The following ARHGEF4 variants were observed in gnomAD, a reference collection of about 807,000 sequenced individuals.
ARHGEF4 encodes Rho guanine nucleotide exchange factor 4, also known as APC-stimulated guanine nucleotide exchange factor 1.
ARHGEF4 carries 119 observed loss-of-function variants against 162.0 expected under a neutral mutation model. That is an observed-to-expected ratio of 0.73 (90% CI 0.63 to 0.86). ARHGEF4 has a LOEUF of 0.86. Ranked by LOEUF, ARHGEF4 falls within the 40% of genes least tolerant of loss-of-function variation. The pLI is 0.00. For missense variants in ARHGEF4, 2,488 were observed against 2,456.0 expected (o/e 1.01, Z -0.28); for synonymous variants, 1,014 against 979.9 (o/e 1.03, Z -0.65).
In ARHGEF4 at chr2:130,878,170, A is replaced by G. The variant is rs367633922; in HGVS notation, c.40-35816A>G. 7.4e-4 allele frequency among the ~76,000 whole-genome samples: 112 copies of G among 152,330 alleles called. 1 individual carries two copies. The South Asian group carries it at 0.021, about 29-fold the overall frequency. On this transcript the variant is annotated intron_variant, in intron 1 of 13. Transcript: ENST00000409359. ...ATACTTTAGGGTTTGTAGGCAGTAT[A>G]GGGTCTCTGTCATATATTCTTTATC...
intron 2 of ARHGEF4, among the ~76,000 whole-genome samples, chr2:130,925,847 A>G (rs1459321047): frequency 1.3e-5 from 2 of 152,074 alleles, no homozygotes; most frequent in African/African-American, 2.4e-5. Flanking sequence ...TCTTAAATCT[A>G]TGGGTTTATA....
At position 130,916,893 on chromosome 2, in the gene ARHGEF4, G is replaced by T; in HGVS notation, c.2947G>T (p.Glu983Ter). The change falls in exon 2 of 14, where the codon GAG (glutamate) becomes TAG (stop). Residue 983 changes from glutamate (E) to a stop codon, truncating the protein, a stop_gained. Coordinates refer to ENST00000409359, the MANE Select transcript of ARHGEF4 (RefSeq NM_001367493.1). LOFTEE classifies it high-confidence loss of function. ...AGGACCCGAAGTTCTCTCCCCAGCA[G>T]AGACCGACAGCCACTGTGAGGAACG... Reference protein sequence around the residue: ...PLGPEVLSPAETDSHCEERAE... With the variant: ...PLGPEVLSPA 1 of 1,550,518 alleles carries T rather than the reference G, an allele frequency of 6.4e-7. No homozygotes were observed. Among genetic ancestry groups the T allele is most frequent in the East Asian group, 2.4e-5 (1 of 40,874 alleles).
chr2:130,925,587 C>T (rs1682190702), intron 2 of ARHGEF4, among the ~76,000 whole-genome samples: 1 of 152,284 alleles, frequency 6.6e-6, no homozygotes, highest in Non-Finnish European at 1.5e-5. Context: ...AGAATATTTT[C>T]ACTGGATAAA....
intron 1 of ARHGEF4, among the ~76,000 whole-genome samples, chr2:130,907,906 G>A (rs930602430): frequency 4.7e-5 from 7 of 149,624 alleles, no homozygotes; most frequent in Middle Eastern, 3.4e-3. Flanking sequence ...GCAGTGAGCC[G>A]AGATCACACC....
At chr2:131,035,210 C>G (rs1343866416) in intron 5 of ARHGEF4, 1 of 1,224,438 alleles carries the variant, frequency 8.2e-7, no homozygotes, top group East Asian at 3.2e-5. Flanking sequence ...GCCGTGCTGG[C>G]GCTCCTGGTT....
intron 4 of ARHGEF4, among the ~76,000 whole-genome samples, chr2:130,948,795 A>C (rs1476538380): frequency 6.6e-6 from 1 of 152,220 alleles, no homozygotes; most frequent in African/African-American, 2.4e-5. Context: ...AAATTCTGCA[A>C]GAAAGTAATC....
At chr2:130,868,911 G>A (rs144530358) in intron 1 of ARHGEF4, among the ~76,000 whole-genome samples, 115 of 152,308 alleles carry the variant, frequency 7.6e-4, no homozygotes, top group African/African-American at 2.7e-3. Context: ...TGGCACCCCC[G>A]TCCTTAAAGG....
intron 4 of ARHGEF4, among the ~76,000 whole-genome samples, chr2:130,996,013 C>T (rs1291479240): frequency 2.6e-5 from 4 of 151,954 alleles, no homozygotes; most frequent in African/African-American, 9.7e-5. Flanking sequence ...CCTCAGCCTC[C>T]TGAGTAGCTG....
chr2:130,875,332 C>T (rs1282969638), intron 1 of ARHGEF4, among the ~76,000 whole-genome samples: 4 of 152,192 alleles, frequency 2.6e-5, no homozygotes, highest in African/African-American at 7.2e-5. Context: ...TGGATACCTA[C>T]TGTCTGAGTC....
chr2:131,001,302 CAAAAAAAAAAAAA>C (rs70994730), intron 4 of ARHGEF4, among the ~76,000 whole-genome samples: 2 of 31,156 alleles, frequency 6.4e-5, no homozygotes, highest in African/African-American at 9.9e-5. Context: ...GACTGTGTCT[CAAAAAAAAAAAAA>C]AAAAAAAAAA....
intron 4 of ARHGEF4, among the ~76,000 whole-genome samples, chr2:130,975,397 C>T (rs1558793102): frequency 6.6e-6 from 1 of 152,156 alleles, no homozygotes; most frequent in South Asian, 2.1e-4. Context: ...ACAGCCCTTA[C>T]TCTCAAAACC....
chr2:130,952,553 T>C (rs1264910487), intron 4 of ARHGEF4, among the ~76,000 whole-genome samples: 2 of 152,178 alleles, frequency 1.3e-5, no homozygotes, highest in Non-Finnish European at 2.9e-5. Context: ...GTGTTGGAAG[T>C]TCTGGCCAGG....
At chr2:130,884,591 G>A (rs892147543) in intron 1 of ARHGEF4, among the ~76,000 whole-genome samples, 1 of 152,082 alleles carries the variant, frequency 6.6e-6, no homozygotes, top group Non-Finnish European at 1.5e-5. Context: ...AATACTTTGA[G>A]GGCTAAAGGG....
chr2:130,914,320 T>C lies in ARHGEF4; in HGVS notation c.374T>C (p.Leu125Pro). Residue 125 changes from leucine to proline, a missense_variant, in exon 2 of 14, where the codon CTT becomes CCT. Physicochemically the swap from Leu to Pro is moderately conservative, Grantham distance 98 (BLOSUM62 -3). Coordinates refer to ENST00000409359, the MANE Select transcript of ARHGEF4 (RefSeq NM_001367493.1). ...CAGCATTTGACCAGTGTTCCTGGGC[T>C]TCATGCAAAGGAAGAACTCGATTTG... Reference protein sequence around the residue: ...QEQHLTSVPGLHAKEELDLSP... With the variant: ...QEQHLTSVPGPHAKEELDLSP... 1 of 1,483,388 alleles carries C rather than the reference T, an allele frequency of 6.7e-7. No homozygotes were observed. Among genetic ancestry groups the C allele is most frequent in the Non-Finnish European group, 8.9e-7 (1 of 1,120,746 alleles). 91.9% of individuals were successfully genotyped at this position (1,483,388 alleles called of 1,614,324 possible).
At chr2:131,017,769 C>CA (rs1206640736) in intron 4 of ARHGEF4, among the ~76,000 whole-genome samples, 1 of 152,098 alleles carries the variant, frequency 6.6e-6, no homozygotes, top group Non-Finnish European at 1.5e-5. Flanking sequence ...TTTAAAATAG[C>CA]AGAGAACTGA....
rs771847315 is a variant in ARHGEF4 at position 131,001,759 on chromosome 2, C to T, written c.3986-26186C>T. Among the ~76,000 whole-genome samples the T allele has an allele frequency of 2.6e-5, 4 of 152,056 alleles. No individual in the cohort carries two copies. In the East Asian group the frequency reaches 7.7e-4, roughly 29 times the overall value. On this transcript the variant is annotated intron_variant, in intron 4 of 13. Coordinates refer to ENST00000409359, the MANE Select transcript of ARHGEF4 (RefSeq NM_001367493.1). ...AGACTTCAGAAGGATACATGTAGGACGATCATATTTGTGTAAATCTACAAG... is the reference window on the plus strand; with the variant it reads ...AGACTTCAGAAGGATACATGTAGGATGATCATATTTGTGTAAATCTACAAG...
chr2:130,885,327 A>G (rs1256478310), intron 1 of ARHGEF4, among the ~76,000 whole-genome samples: 2 of 152,078 alleles, frequency 1.3e-5, no homozygotes, highest in African/African-American at 4.8e-5. Flanking sequence ...AGCAAAGGAC[A>G]AAAGAACTAA....
intron 1 of ARHGEF4, among the ~76,000 whole-genome samples, chr2:130,895,587 G>C (rs1034118131): frequency 1.4e-4 from 22 of 152,176 alleles, no homozygotes; most frequent in African/African-American, 4.8e-4. Context: ...TTTCCCTAAT[G>C]ACTAGTGATT....
chr2:130,932,409 A>G (rs373287471), intron 3 of ARHGEF4, among the ~76,000 whole-genome samples: 96 of 152,290 alleles, frequency 6.3e-4, no homozygotes, highest in African/African-American at 2.3e-3. Context: ...GAGTTTCACC[A>G]TGTTGGCCAG....
Sources: allele counts gnomAD v4.1 joint callset (sites outside exome capture counted in the v4.1 genomes callset), GRCh38; gene constraint gnomAD v4.1.1; transcripts MANE v1.5; gene names NCBI Gene and HGNC (gene_info 2026-07-23, HGNC 2026-07-21).